AGAP1: variants seen among roughly 807,000 people sequenced by gnomAD.
AGAP1 encodes the protein arf-GAP with GTPase, ANK repeat and PH domain-containing protein 1.
A neutral mutation model predicts 105.3 loss-of-function variants in AGAP1; 29 were observed. The observed-to-expected ratio is 0.28, with a 90% CI of 0.21 to 0.38. The LOEUF is 0.38. Among genes scored for constraint, AGAP1 ranks in the 10% least tolerant of loss-of-function variants. The probability of loss-of-function intolerance (pLI) is 1.00; values close to 1 mark genes in which losing one functional copy is unlikely to be tolerated. For missense variants in AGAP1, 998 were observed against 1,165.1 expected, an observed-to-expected ratio of 0.86 and a Z score of 2.09; for synonymous variants, 509 against 485.9, an observed-to-expected ratio of 1.05 and a Z score of -0.63.
At chr2:235,876,789 C>G (rs1052615487) in intron 9 of AGAP1, among the ~76,000 whole-genome samples, 22 of 152,148 alleles carry the variant, frequency 1.4e-4, no homozygotes, top group Admixed American at 1.4e-3. Context: ...CCAGGCGCAT[C>G]CCTGATCGTT....
At position 235,889,686 on chromosome 2, in the gene AGAP1, C is replaced by G. The variant is rs1490508847; in HGVS notation, c.1155+6237C>G. On this transcript the variant is annotated intron_variant, in intron 10 of 17. Coordinates refer to ENST00000304032, the MANE Select transcript of AGAP1 (RefSeq NM_001037131.3). The surrounding 1 kb of genome is among the most constrained non-coding windows in gnomAD (Gnocchi z 4.6). ...TTAGGACATAAGCTAAATCTACATACCCTTCCTACACCACAGATAGAAGAT... is the reference window on the plus strand; with the variant it reads ...TTAGGACATAAGCTAAATCTACATAGCCTTCCTACACCACAGATAGAAGAT... Among the ~76,000 whole-genome samples the G allele has an allele frequency of 6.6e-6, 1 of 152,022 alleles. No homozygotes were observed. The highest frequency in any genetic ancestry group is 1.5e-5 in the Non-Finnish European group (1 of 68,008).
chr2:235,870,446 G>A (rs2049381690), intron 9 of AGAP1, among the ~76,000 whole-genome samples: 1 of 152,130 alleles, frequency 6.6e-6, no homozygotes, highest in African/African-American at 2.4e-5. Flanking sequence ...AGCCAACATG[G>A]CGAAACCCTG....
rs1018848928 is a variant in AGAP1, at chr2:236,002,141, G to A, written c.1645+33518G>A. 6.6e-6 allele frequency among the ~76,000 whole-genome samples: 1 copy of A among 152,212 alleles called. No homozygotes were observed. The highest frequency in any genetic ancestry group is 1.5e-5 in the Non-Finnish European group (1 of 68,046). On this transcript the variant is annotated intron_variant, in intron 13 of 17. Coordinates refer to ENST00000304032, the MANE Select transcript of AGAP1 (RefSeq NM_001037131.3). This position sits in a 1 kb window ranked among gnomAD's most constrained non-coding sequence, Gnocchi z 4.3. ...AGGAAGAGCTGGCTTCCCCGCACAAGCAGTGCTACCAAGGGTCCATTTGTT... is the reference window on the plus strand; with the variant it reads ...AGGAAGAGCTGGCTTCCCCGCACAAACAGTGCTACCAAGGGTCCATTTGTT...
At chr2:235,999,381 A>ATGGTGGTGATGATGGTGAGAGGTGGTGG (rs537642361) in intron 13 of AGAP1, among the ~76,000 whole-genome samples, 8 of 137,036 alleles carry the variant, frequency 5.8e-5, no homozygotes, top group Non-Finnish European at 1.1e-4. Flanking sequence ...CCAATATGGT[A>ATGGTGGTGATGATGGTGAGAGGTGGTGG]TGGTGGTGAT....
At position 235,739,924 on chromosome 2, in the gene AGAP1, G is replaced by A. The variant is rs1952477814; in HGVS notation, c.311-1039G>A. Among the ~76,000 whole-genome samples the A allele has an allele frequency of 6.6e-6, 1 of 152,248 alleles. No homozygotes were observed. The highest frequency in any genetic ancestry group is 1.5e-5 in the Non-Finnish European group (1 of 68,042). ...GGCAGGCAGCCTCTGGGCTCTGGCA[G>A]CATTGTCCTCTGGGTCCAGCGATTT... On this transcript the variant is annotated intron_variant, in intron 3 of 17. Transcript: ENST00000304032. This position sits in a 1 kb window ranked among gnomAD's most constrained non-coding sequence, Gnocchi z 5.3.
intron 1 of AGAP1, among the ~76,000 whole-genome samples, chr2:235,499,092 G>A (rs567740822): frequency 4.6e-5 from 7 of 152,322 alleles, no homozygotes; most frequent in African/African-American, 1.7e-4. Flanking sequence ...ACGCACTGCT[G>A]AGGCCAGAAA....
chr2:235,672,664 A>T (rs1208130189), intron 1 of AGAP1, among the ~76,000 whole-genome samples: 1 of 152,254 alleles, frequency 6.6e-6, no homozygotes, highest in Non-Finnish European at 1.5e-5. Flanking sequence ...GCAGGCTTGC[A>T]TCTTTGCTCT....
chr2:236,016,504 A>G (rs1298759605), intron 13 of AGAP1, among the ~76,000 whole-genome samples: 3 of 150,010 alleles, frequency 2.0e-5, no homozygotes, highest in Admixed American at 1.3e-4. Context: ...AAATTGGGGG[A>G]CAGCAAGGGG....
At chr2:235,910,734 A>G (rs779019178) in intron 11 of AGAP1, among the ~76,000 whole-genome samples, 1 of 152,316 alleles carries the variant, frequency 6.6e-6, no homozygotes, top group Non-Finnish European at 1.5e-5. Context: ...CCTGTCCAAC[A>G]TGGTGAAACC....
intron 11 of AGAP1, among the ~76,000 whole-genome samples, chr2:235,913,609 C>A (rs1306243528): frequency 1.3e-5 from 2 of 152,124 alleles, no homozygotes; most frequent in Non-Finnish European, 2.9e-5. Context: ...ATGTATGACT[C>A]CGTTTGTATC....
chr2:235,897,649 G>A (rs1199946062), intron 10 of AGAP1, among the ~76,000 whole-genome samples: 2 of 151,994 alleles, frequency 1.3e-5, no homozygotes, highest in Non-Finnish European at 2.9e-5. Context: ...TACTCATTGA[G>A]GCCAAAAATT....
intron 12 of AGAP1, among the ~76,000 whole-genome samples, chr2:235,945,267 A>AT (rs1424981164): frequency 6.6e-6 from 1 of 151,748 alleles, no homozygotes; most frequent in Non-Finnish European, 1.5e-5. Flanking sequence ...CGCCCGGCTA[A>AT]TTTTTTGTAT....
intron 11 of AGAP1, among the ~76,000 whole-genome samples, chr2:235,929,171 C>G (rs1183071671): frequency 6.6e-6 from 1 of 152,154 alleles, no homozygotes; most frequent in African/African-American, 2.4e-5. Context: ...CAGTGGTCTG[C>G]CGTGGTGGAG....
intron 9 of AGAP1, among the ~76,000 whole-genome samples, chr2:235,858,620 A>G (rs953384373): frequency 1.3e-5 from 2 of 152,210 alleles, no homozygotes; most frequent in African/African-American, 4.8e-5. Flanking sequence ...GTTCACAATG[A>G]ATTATATTTT....
At position 235,889,916 on chromosome 2, in the gene AGAP1, A is replaced by C. The variant is rs957415929; in HGVS notation, c.1155+6467A>C. Among the ~76,000 whole-genome samples, 52 of 151,422 alleles carry C rather than the reference A, an allele frequency of 3.4e-4. No homozygotes were observed. The highest frequency in any genetic ancestry group is 1.2e-3 in the African/African-American group (50 of 40,802). ...ACTCAGACTAAGAAAGCTCCATGAA[A>C]GTTTATGCCAGTGATAACCTCCAGG... is the stretch of plus-strand genomic sequence containing the variant. On this transcript the variant is annotated intron_variant, in intron 10 of 17. Coordinates refer to ENST00000304032, the MANE Select transcript of AGAP1 (RefSeq NM_001037131.3). The surrounding 1 kb of genome is among the most constrained non-coding windows in gnomAD (Gnocchi z 4.6).
Position 235,883,481 on chromosome 2 carries a change from C to T in AGAP1, c.1155+32C>T. 3 of 1,562,412 alleles carry T rather than the reference C, an allele frequency of 1.9e-6. No individual in the cohort carries two copies. Among genetic ancestry groups the T allele is most frequent in the Non-Finnish European group, 2.6e-6 (3 of 1,134,494 alleles). On this transcript the variant is annotated intron_variant, in intron 10 of 17. Coordinates refer to ENST00000304032, the MANE Select transcript of AGAP1 (RefSeq NM_001037131.3). This position sits in a 1 kb window ranked among gnomAD's most constrained non-coding sequence, Gnocchi z 4.5. ...ATAGCCCCCTCGGAGCAATTAACAG[C>T]TGCAGACCTCAACTAAACACTGTGG... is the stretch of plus-strand genomic sequence containing the variant.
intron 1 of AGAP1, among the ~76,000 whole-genome samples, chr2:235,688,049 G>T (rs964101961): frequency 6.6e-6 from 1 of 151,818 alleles, no homozygotes; most frequent in Non-Finnish European, 1.5e-5. Context: ...TTACAGGCAC[G>T]CACCACCATA....
At chr2:235,709,282 C>G (rs748726563) in intron 2 of AGAP1, 45 bp downstream of exon 2, 4 of 1,591,880 alleles carry the variant, frequency 2.5e-6, no homozygotes, top group Admixed American at 3.3e-5. Context: ...AAGGGAGGGG[C>G]TCTGTGCACA....
At chr2:235,679,333 G>A (rs1311214964) in intron 1 of AGAP1, among the ~76,000 whole-genome samples, 1 of 152,212 alleles carries the variant, frequency 6.6e-6, no homozygotes, top group Admixed American at 6.5e-5. Flanking sequence ...TATTGCATAT[G>A]TGGCTGTGTT....
Sources: allele counts gnomAD v4.1 joint callset (sites outside exome capture counted in the v4.1 genomes callset), GRCh38; gene constraint gnomAD v4.1.1; non-coding constraint Gnocchi (gnomAD v3.1); transcripts MANE v1.5; gene names NCBI Gene and HGNC (gene_info 2026-07-23, HGNC 2026-07-21).